The following OSBPL10 variants were observed in gnomAD, a reference collection of about 807,000 sequenced individuals.
OSBPL10 encodes oxysterol binding protein like 10.
Under a neutral mutation model 81.7 loss-of-function variants are expected in OSBPL10, and 49 were observed. The observed-to-expected ratio is 0.60, with a 90% CI of 0.48 to 0.76. OSBPL10 has a LOEUF of 0.76. Ranked by LOEUF, OSBPL10 falls within the 30% of genes least tolerant of loss-of-function variation. The pLI, the probability that OSBPL10 is intolerant of heterozygous loss-of-function variation, is 0.00. For missense variants in OSBPL10, 923 were observed against 987.8 expected (o/e 0.93, Z 0.88); for synonymous variants, 419 against 383.6 (o/e 1.09, Z -1.08).
intron 1 of OSBPL10, among the ~76,000 whole-genome samples, chr3:31,903,584 G>C (rs1356601706): frequency 6.6e-6 from 1 of 152,048 alleles, no homozygotes; most frequent in Admixed American, 6.5e-5. Context: ...TCCCACCTCA[G>C]CCTCCCAAAG....
chr3:31,760,002 G>T (rs1383806615), intron 4 of OSBPL10, among the ~76,000 whole-genome samples: 1 of 152,180 alleles, frequency 6.6e-6, no homozygotes, highest in East Asian at 1.9e-4. Flanking sequence ...CCTCAAGTGC[G>T]CTGCCCACCT....
chr3:32,029,422 T>C (rs1367402715), intron 2 of OSBPL10, among the ~76,000 whole-genome samples: 1 of 152,178 alleles, frequency 6.6e-6, no homozygotes, highest in Non-Finnish European at 1.5e-5. Context: ...TTAATAAACT[T>C]TCACTCCTGC....
chr3:31,974,198 C>T (rs968264646), intron 1 of OSBPL10, among the ~76,000 whole-genome samples: 2 of 152,154 alleles, frequency 1.3e-5, no homozygotes, highest in African/African-American at 4.8e-5. Context: ...TGTTCAGCCT[C>T]AGTAGTCATC....
At chr3:32,007,638 C>G (rs1699216322) in intron 2 of OSBPL10, among the ~76,000 whole-genome samples, 1 of 152,104 alleles carries the variant, frequency 6.6e-6, no homozygotes. Context: ...TATACGGACA[C>G]TAATGATTGC....
In OSBPL10 at chr3:32,038,207, AT is replaced by A. The variant is rs1323543361; in HGVS notation, n.298+8283del. Reference sequence around the variant, plus strand: ...ATGTATTACCTGCTGCATACAATACATGCTACAACACAGGCGAGCCCCAAAA... The same window carrying A: ...ATGTATTACCTGCTGCATACAATACAGCTACAACACAGGCGAGCCCCAAAA... On this transcript the variant is annotated intron_variant and non_coding_transcript_variant, in intron 2 of 3. Coordinates refer to the OSBPL10 transcript ENST00000479173. 2.0e-5 allele frequency among the ~76,000 whole-genome samples: 3 copies of A among 152,348 alleles called. No individual in the cohort carries two copies. The East Asian group carries it at 5.8e-4, about 29-fold the overall frequency.
chr3:31,785,859 T>C (rs1698848824), intron 4 of OSBPL10, among the ~76,000 whole-genome samples: 1 of 152,170 alleles, frequency 6.6e-6, no homozygotes, highest in Admixed American at 6.5e-5. Context: ...ACTCTGAGCA[T>C]GGCTTTAGGA....
At chr3:31,876,997 G>A (rs1257334049) in intron 2 of OSBPL10, among the ~76,000 whole-genome samples, 1 of 149,508 alleles carries the variant, frequency 6.7e-6, no homozygotes, top group Admixed American at 6.7e-5. Context: ...TCTGCCTCCT[G>A]GGTTCATACC....
chr3:32,022,671 G>T (rs1699371362), intron 2 of OSBPL10, among the ~76,000 whole-genome samples: 1 of 152,096 alleles, frequency 6.6e-6, no homozygotes, highest in African/African-American at 2.4e-5. Flanking sequence ...TTGACTATTT[G>T]GGAGGCTGAG....
chr3:31,891,297 C>A (rs572152674), intron 1 of OSBPL10, among the ~76,000 whole-genome samples: 1 of 152,120 alleles, frequency 6.6e-6, no homozygotes, highest in Non-Finnish European at 1.5e-5. Context: ...TCCCCCAGAG[C>A]TTATGATTCA....
At chr3:31,887,723 G>C (rs9838995) in intron 1 of OSBPL10, among the ~76,000 whole-genome samples, 2 of 152,168 alleles carry the variant, frequency 1.3e-5, no homozygotes, top group African/African-American at 4.8e-5. Context: ...CTGGAAGTAA[G>C]ACACTGGATC....
At chr3:31,982,881 C>T (rs1292369173), upstream of OSBPL10, among the ~76,000 whole-genome samples, 1 of 152,204 alleles carries the variant, frequency 6.6e-6, no homozygotes, top group Non-Finnish European at 1.5e-5. Flanking sequence ...GGACCTTAGG[C>T]TTGGCCATGG....
chr3:31,783,434 A>G (rs1698756051), intron 4 of OSBPL10, among the ~76,000 whole-genome samples: 1 of 151,832 alleles, frequency 6.6e-6, no homozygotes, highest in South Asian at 2.1e-4. Context: ...CGTGTACCAG[A>G]ATCTCAGAAA....
chr3:31,986,442 G>A, intron 2 of OSBPL10: 1 of 152,238 alleles, frequency 6.6e-6, no homozygotes, highest in Non-Finnish European at 1.5e-5. Flanking sequence ...TGAATAAACA[G>A]CTCCATTAAG....
intron 4 of OSBPL10, among the ~76,000 whole-genome samples, chr3:31,784,025 G>A (rs1041884489): frequency 3.3e-5 from 5 of 150,974 alleles, no homozygotes; most frequent in African/African-American, 1.2e-4. Context: ...CTTGTGATTT[G>A]TTGCTTAGGG....
chr3:31,989,811 C>G, intron 2 of OSBPL10: 5 of 1,613,948 alleles, frequency 3.1e-6, no homozygotes, highest in Non-Finnish European at 4.2e-6. Context: ...GTAGCTCACT[C>G]TTAAGGAAAC....
intron 1 of OSBPL10, among the ~76,000 whole-genome samples, chr3:31,881,651 G>C (rs1575597518): frequency 6.6e-6 from 1 of 152,174 alleles, no homozygotes; most frequent in East Asian, 1.9e-4. Context: ...AGTAATTGTG[G>C]TTATTTAAGA....
chr3:31,961,280 G>A (rs1017045955), intron 1 of OSBPL10, among the ~76,000 whole-genome samples: 1 of 152,130 alleles, frequency 6.6e-6, no homozygotes, highest in African/African-American at 2.4e-5. Flanking sequence ...CAAGAATGTG[G>A]TGGTAGAACC....
Position 31,748,070 on chromosome 3 carries a change from C to A in OSBPL10, c.780G>T (p.Glu260Asp), listed in dbSNP as rs772036982. 10 of 1,614,136 alleles carry A rather than the reference C, an allele frequency of 6.2e-6. 1 individual carries two copies. In the South Asian group the frequency reaches 1.1e-4, roughly 18 times the overall value. Residue 260 changes from glutamate to aspartate, a missense_variant, in exon 5 of 12, where the codon GAG becomes GAT. By Grantham distance (45) the Glu-to-Asp change is conservative (BLOSUM62 2). This residue lies in a region of OSBPL10 where 514 missense variants were observed against 508.0 expected (regional missense o/e 1.01). Coordinates refer to ENST00000396556, the MANE Select transcript of OSBPL10 (RefSeq NM_017784.5). ...TGAGGGGGCCGGACCCTGGCAGGGA[C>A]TCAATGGCGTGCACAAGGTTCTTCT... ...GQQKNLVHAI[E>D]SLPGSGPLTA...
At chr3:31,709,921 C>T (rs1696197401) in intron 6 of OSBPL10, among the ~76,000 whole-genome samples, 1 of 152,178 alleles carries the variant, frequency 6.6e-6, no homozygotes, top group Admixed American at 6.5e-5. Flanking sequence ...ATAACACAGC[C>T]AAGAGCTCTG....
Sources: gnomAD v4.1 joint callset for allele counts (sites outside exome capture counted in the v4.1 genomes callset) on GRCh38, gnomAD v4.1.1 for gene constraint, gnomAD v4.1.1 regional missense constraint, MANE v1.5 for transcripts, NCBI Gene and HGNC (gene_info 2026-07-23, HGNC 2026-07-21) for gene names.